The following PDE10A variants were observed in gnomAD, a reference collection of about 807,000 sequenced individuals.
The protein encoded by PDE10A is phosphodiesterase 10A, also known as cAMP and cAMP-inhibited cGMP 3',5'-cyclic phosphodiesterase 10A.
A neutral mutation model predicts 97.7 loss-of-function variants in PDE10A; 39 were observed. The observed-to-expected ratio is 0.40, with a 90% CI of 0.31 to 0.52. The LOEUF (loss-of-function observed/expected upper bound fraction) is 0.52. Among genes scored for constraint, PDE10A ranks in the 20% least tolerant of loss-of-function variants. The pLI, the probability that PDE10A is intolerant of heterozygous loss-of-function variation, is 0.56. For synonymous variants in PDE10A, 371 were observed against 376.8 expected, an observed-to-expected ratio of 0.98 and a Z score of 0.18; for missense variants, 731 against 1,047.8, an observed-to-expected ratio of 0.70 and a Z score of 4.17.
At chr6:165,739,339 T>C (rs975853737) in intron 1 of PDE10A, among the ~76,000 whole-genome samples, 2 of 152,148 alleles carry the variant, frequency 1.3e-5, no homozygotes, top group African/African-American at 4.8e-5. Context: ...ATCCAACCTT[T>C]TAAAATTAGT....
Position 165,435,393 on chromosome 6 carries a change from G to C in PDE10A, c.1195-16C>G. On this transcript the variant is annotated splice_polypyrimidine_tract_variant and intron_variant, in intron 5 of 21. Coordinates refer to ENST00000539869, the MANE Select transcript of PDE10A (RefSeq NM_001385079.1). ...TACACAGGCTCTAGGGAGAAGAAAA[G>C]ATGTTTTACAGACTTTCCTGTACAT... 1 of 1,608,952 alleles carries C rather than the reference G, an allele frequency of 6.2e-7. No individual in the cohort carries two copies. The highest frequency in any genetic ancestry group is 8.5e-7 in the Non-Finnish European group (1 of 1,177,812).
At chr6:165,961,551 C>G (rs1205765696) in intron 1 of PDE10A, among the ~76,000 whole-genome samples, 1 of 152,196 alleles carries the variant, frequency 6.6e-6, no homozygotes, top group Non-Finnish European at 1.5e-5. Flanking sequence ...AGCGAGGGCT[C>G]CACAACCAAC....
At chr6:165,849,365 T>C (rs890206180) in intron 1 of PDE10A, among the ~76,000 whole-genome samples, 5 of 152,214 alleles carry the variant, frequency 3.3e-5, no homozygotes, top group African/African-American at 1.2e-4. Flanking sequence ...TGCAGTGTCA[T>C]CCATCCCGCT....
At chr6:165,546,626 C>T (rs772569640) in intron 1 of PDE10A, among the ~76,000 whole-genome samples, 1 of 152,060 alleles carries the variant, frequency 6.6e-6, no homozygotes, top group African/African-American at 2.4e-5. Flanking sequence ...ATAAGCACCA[C>T]ACTCTAGTTG....
intron 1 of PDE10A, among the ~76,000 whole-genome samples, chr6:165,852,096 C>T (rs1048527380): frequency 6.6e-5 from 10 of 152,178 alleles, no homozygotes; most frequent in Admixed American, 6.5e-5. Flanking sequence ...GCCTTTCCCC[C>T]CTTTCTCTTT....
At chr6:165,470,973 T>C (rs1778965279) in intron 3 of PDE10A, among the ~76,000 whole-genome samples, 1 of 152,168 alleles carries the variant, frequency 6.6e-6, no homozygotes, top group Admixed American at 6.5e-5. Context: ...TTACCACCCA[T>C]TTCTCTCCTC....
At chr6:165,712,627 CTTTCT>C (rs1562698970) in intron 1 of PDE10A, among the ~76,000 whole-genome samples, 4 of 115,350 alleles carry the variant, frequency 3.5e-5, no homozygotes, top group Admixed American at 1.1e-4. Context: ...TTTCAACTTT[CTTTCT>C]TTTTTTTTTT....
chr6:165,473,709 C>A (rs1380713729), intron 3 of PDE10A, among the ~76,000 whole-genome samples: 1 of 152,138 alleles, frequency 6.6e-6, no homozygotes, highest in Non-Finnish European at 1.5e-5. Context: ...TGTGGCCAAA[C>A]AGCCAAGAAA....
intron 1 of PDE10A, among the ~76,000 whole-genome samples, chr6:165,752,830 A>G (rs1793038212): frequency 6.6e-6 from 1 of 152,226 alleles, no homozygotes; most frequent in Admixed American, 6.5e-5. Flanking sequence ...AGGCTGACAC[A>G]TTAGGGTTAT....
Position 165,450,346 on chromosome 6 carries a change from A to T in PDE10A, c.1040T>A (p.Met347Lys). The T allele has an allele frequency of 6.5e-7, 1 of 1,547,620 alleles. No homozygotes were observed. Among genetic ancestry groups the T allele is most frequent in the Non-Finnish European group, 8.8e-7 (1 of 1,131,068 alleles). ...GTTTAGTTCATATACAACTCCCTGC[A>T]TATTCGTATCTTGGTACTTTGGATT... is the stretch of plus-strand genomic sequence containing the variant. The part of the protein sequence containing the change: ...KEVSRYQDTN[M>K]QGVVYELNSY... The change falls in exon 4 of 22, where the codon ATG becomes AAG. Residue 347 changes from methionine (M) to lysine (K), a missense_variant. By Grantham distance (95) the Met-to-Lys change is moderately conservative. This residue lies in a region of PDE10A where 181 missense variants were observed against 159.1 expected (regional missense o/e 1.14). Coordinates refer to ENST00000539869, the MANE Select transcript of PDE10A (RefSeq NM_001385079.1).
chr6:165,931,520 A>C (rs913834183), intron 1 of PDE10A, among the ~76,000 whole-genome samples: 19 of 152,198 alleles, frequency 1.2e-4, no homozygotes, highest in African/African-American at 4.6e-4. Flanking sequence ...GTTTGCCATA[A>C]AATTGTATTG....
chr6:165,373,720 C>T (rs1583145688), intron 18 of PDE10A, among the ~76,000 whole-genome samples: 1 of 152,096 alleles, frequency 6.6e-6, no homozygotes, highest in African/African-American at 2.4e-5. Context: ...ACCCAGCCAT[C>T]CCATTACTGG....
At chr6:165,561,313 AT>A (rs1324269523) in intron 1 of PDE10A, among the ~76,000 whole-genome samples, 1 of 151,912 alleles carries the variant, frequency 6.6e-6, no homozygotes, top group Non-Finnish European at 1.5e-5. Context: ...TTCCACCATG[AT>A]TGTAAATTTC....
intron 18 of PDE10A, among the ~76,000 whole-genome samples, chr6:165,371,833 A>G (rs1784273001): frequency 6.6e-6 from 1 of 152,160 alleles, no homozygotes; most frequent in South Asian, 2.1e-4. Flanking sequence ...CCTCAATAAA[A>G]TACTGGCAAA....
intron 1 of PDE10A, among the ~76,000 whole-genome samples, chr6:165,626,351 T>A (rs535396025): frequency 1.3e-5 from 2 of 152,338 alleles, no homozygotes; most frequent in African/African-American, 2.4e-5. Context: ...TGTTTCAACA[T>A]TAACACCTCC....
chr6:165,456,538 A>G (rs952850377), intron 3 of PDE10A, among the ~76,000 whole-genome samples: 2 of 152,196 alleles, frequency 1.3e-5, no homozygotes, highest in African/African-American at 4.8e-5. Context: ...TCTCTTTTGG[A>G]CAGGAAATGG....
chr6:165,384,135 T>C lies in PDE10A; in HGVS notation c.2610+4163A>G, dbSNP rs79268013. Reference sequence around the variant, plus strand: ...GAGAAAAACATATTCAGACATATACTTGGAGGACGGATTTGGGACACAAAC... The same window carrying C: ...GAGAAAAACATATTCAGACATATACCTGGAGGACGGATTTGGGACACAAAC... On this transcript the variant is annotated intron_variant, in intron 17 of 21. Coordinates refer to ENST00000539869, the MANE Select transcript of PDE10A (RefSeq NM_001385079.1). 4.3e-3 allele frequency among the ~76,000 whole-genome samples: 659 copies of C among 152,168 alleles called. 5 individuals carry two copies. The highest frequency in any genetic ancestry group is 0.015 in the African/African-American group (605 of 41,504).
chr6:165,347,390 C>T (rs1010660512), intron 18 of PDE10A, among the ~76,000 whole-genome samples: 3 of 152,098 alleles, frequency 2.0e-5, no homozygotes, highest in African/African-American at 4.8e-5. Context: ...CTAAAATATA[C>T]TTTAAATTTA....
At chr6:165,588,737 T>C (rs1157137511) in intron 1 of PDE10A, among the ~76,000 whole-genome samples, 1 of 152,186 alleles carries the variant, frequency 6.6e-6, no homozygotes, top group Non-Finnish European at 1.5e-5. Flanking sequence ...CAAATACTAG[T>C]ACAGTGAAGA....
Sources: gnomAD v4.1 joint callset for allele counts (sites outside exome capture counted in the v4.1 genomes callset) on GRCh38, gnomAD v4.1.1 for gene constraint, gnomAD v4.1.1 regional missense constraint, MANE v1.5 for transcripts, NCBI Gene and HGNC (gene_info 2026-07-23, HGNC 2026-07-21) for gene names.